The following COL21A1 variants were observed in gnomAD, a reference collection of about 807,000 sequenced individuals.
The protein encoded by COL21A1 is collagen alpha-1(XXI) chain.
Under a neutral mutation model 137.9 loss-of-function variants are expected in COL21A1, and 149 were observed. The ratio of observed to expected loss-of-function variants is 1.08; its 90% CI spans 0.95 to 1.24. The LOEUF is 1.24. Ranked by LOEUF, COL21A1 falls within the 50% of genes most tolerant of loss-of-function variation. COL21A1 has a pLI of 0.00. For missense variants in COL21A1, 1,167 were observed against 1,158.4 expected, an observed-to-expected ratio of 1.01 and a Z score of -0.11; for synonymous variants, 456 against 391.5, an observed-to-expected ratio of 1.16 and a Z score of -1.95.
chr6:56,066,963 G>GTATA (rs1554199051), intron 23 of COL21A1, among the ~76,000 whole-genome samples: 4 of 127,918 alleles, frequency 3.1e-5, no homozygotes, highest in African/African-American at 1.3e-4. Context: ...CTGTGTGTGT[G>GTATA]TATATATATA....
intron 3 of COL21A1, among the ~76,000 whole-genome samples, chr6:56,171,399 ATGTAT>A (rs1158723247): frequency 6.6e-6 from 1 of 151,940 alleles, no homozygotes; most frequent in Non-Finnish European, 1.5e-5. Flanking sequence ...ATATTTGTTA[ATGTAT>A]TGTCTTTAGC....
intron 1 of COL21A1, among the ~76,000 whole-genome samples, chr6:56,235,021 A>G (rs1031460057): frequency 3.1e-4 from 47 of 151,748 alleles, no homozygotes; most frequent in African/African-American, 1.1e-3. Context: ...TTCCATTCCT[A>G]CTAGGCAAGT....
chr6:56,226,645 C>T (rs9464366), intron 1 of COL21A1, among the ~76,000 whole-genome samples: 7,488 of 152,034 alleles, frequency 0.049, 458 homozygotes, highest in African/African-American at 0.14. Flanking sequence ...CCCCATTTTC[C>T]TAACTTAATT....
intron 1 of COL21A1, among the ~76,000 whole-genome samples, chr6:56,316,047 G>T (rs1305063208): frequency 6.6e-6 from 1 of 152,078 alleles, no homozygotes; most frequent in African/African-American, 2.4e-5. Context: ...TATGCTAATT[G>T]CTATGCCATT....
chr6:56,341,022 T>A (rs1368804203), intron 1 of COL21A1, among the ~76,000 whole-genome samples: 1 of 152,168 alleles, frequency 6.6e-6, no homozygotes, highest in Non-Finnish European at 1.5e-5. Flanking sequence ...TTCCAGGACA[T>A]GATAGAGTCA....
chr6:56,272,941 A>C (rs1763562223), intron 1 of COL21A1, among the ~76,000 whole-genome samples: 1 of 152,188 alleles, frequency 6.6e-6, no homozygotes, highest in Non-Finnish European at 1.5e-5. Context: ...CAGTGTGAAA[A>C]TGGACTAATA....
chr6:56,193,647 A>G (rs1778838167), intron 1 of COL21A1, among the ~76,000 whole-genome samples: 1 of 152,098 alleles, frequency 6.6e-6, no homozygotes, highest in African/African-American at 2.4e-5. Context: ...TGTATAATTT[A>G]TTGTCTATAA....
intron 1 of COL21A1, among the ~76,000 whole-genome samples, chr6:56,392,152 T>TCC (rs1423720151): frequency 1.3e-5 from 2 of 152,106 alleles, no homozygotes; most frequent in Non-Finnish European, 2.9e-5. Flanking sequence ...CGCATCATGA[T>TCC]CAAGTGGGAT....
At chr6:56,097,435 C>G (rs989144510) in intron 17 of COL21A1, among the ~76,000 whole-genome samples, 4 of 151,968 alleles carry the variant, frequency 2.6e-5, no homozygotes, top group African/African-American at 9.7e-5. Context: ...ATCTATCTCC[C>G]CAACTAGGCT....
chr6:56,213,437 C>T (rs1014870245), intron 1 of COL21A1, among the ~76,000 whole-genome samples: 1 of 152,032 alleles, frequency 6.6e-6, no homozygotes, highest in East Asian at 1.9e-4. Flanking sequence ...AGTGTACTTG[C>T]CAATGCTGGG....
intron 1 of COL21A1, among the ~76,000 whole-genome samples, chr6:56,350,225 G>A (rs1294517143): frequency 6.6e-6 from 1 of 152,146 alleles, no homozygotes; most frequent in Admixed American, 6.5e-5. Context: ...GTGTACTCAA[G>A]GTCACATGGC....
intron 9 of COL21A1, among the ~76,000 whole-genome samples, chr6:56,164,144 A>T (rs975326397): frequency 1.3e-5 from 2 of 152,186 alleles, no homozygotes; most frequent in South Asian, 4.1e-4. Context: ...TGTTCTTGGG[A>T]TCTAGCAGCA....
At chr6:56,077,684 G>T (rs1767368427) in intron 17 of COL21A1, 111 bp from the exon 18 acceptor site, 1 of 623,474 alleles carries the variant, frequency 1.6e-6, no homozygotes, top group East Asian at 2.9e-5. Context: ...ATTTTCAAAT[G>T]TATACATATT....
At chr6:56,077,770 T>C (rs1767374457) in intron 17 of COL21A1, 197 bp from the exon 18 acceptor site, 5 of 503,872 alleles carry the variant, frequency 9.9e-6, no homozygotes, top group Non-Finnish European at 1.7e-5. Context: ...ATATTACTGA[T>C]ATTTAGAGCT....
rs1765585233 is a variant in COL21A1, at chr6:56,059,218, T to C, written c.2633A>G (p.Lys878Arg). The C allele has an allele frequency of 6.2e-7, 1 of 1,606,066 alleles. No homozygotes were observed. Among genetic ancestry groups the C allele is most frequent in the Non-Finnish European group, 8.5e-7 (1 of 1,177,674 alleles). Residue 878 changes from lysine to arginine, a missense_variant, in exon 29 of 30, where the codon AAA becomes AGA. Transcript: ENST00000244728. ...AGGATACCCAAACCCTTGGCTCCCT[T>C]TTTCCCCATTTCTTCCTGGTAGGCC... ...LKGLPGRNGE[K>R]GSQGFGYPGE...
chr6:56,303,145 G>A (rs1424265891), intron 1 of COL21A1, among the ~76,000 whole-genome samples: 1 of 152,198 alleles, frequency 6.6e-6, no homozygotes, highest in African/African-American at 2.4e-5. Context: ...TTGTAGTATA[G>A]TTTGAAGTCA....
At chr6:56,167,513 A>T (rs1776687768) in intron 6 of COL21A1, among the ~76,000 whole-genome samples, 1 of 152,232 alleles carries the variant, frequency 6.6e-6, no homozygotes, top group Admixed American at 6.5e-5. Context: ...TATGAAAATG[A>T]CAGACTCTTC....
intron 1 of COL21A1, among the ~76,000 whole-genome samples, chr6:56,298,358 C>A (rs543040064): frequency 2.0e-5 from 3 of 152,024 alleles, no homozygotes; most frequent in Non-Finnish European, 4.4e-5. Context: ...GTGTATCATT[C>A]TCAGATGTCT....
intron 1 of COL21A1, among the ~76,000 whole-genome samples, chr6:56,196,660 G>A (rs548552729): frequency 1.3e-5 from 2 of 151,992 alleles, no homozygotes; most frequent in South Asian, 4.2e-4. Context: ...TAACCAAGGA[G>A]GTGAAATACC....
Sources: gnomAD v4.1 joint callset for allele counts (sites outside exome capture counted in the v4.1 genomes callset) on GRCh38, gnomAD v4.1.1 for gene constraint, MANE v1.5 for transcripts, NCBI Gene and HGNC (gene_info 2026-07-23, HGNC 2026-07-21) for gene names.